PCM1: variants seen among roughly 807,000 people sequenced by gnomAD.
The protein encoded by PCM1 is pericentriolar material 1, also known as pericentriolar material 1 protein.
Under a neutral mutation model 241.9 loss-of-function variants are expected in PCM1, and 157 were observed. The observed-to-expected ratio is 0.65, with a 90% CI of 0.57 to 0.74. The LOEUF (loss-of-function observed/expected upper bound fraction) is 0.74, where lower values mean the gene tolerates loss of function less well. Ranked by LOEUF, PCM1 falls within the 30% of genes least tolerant of loss-of-function variation. The pLI is 0.00. For missense variants in PCM1, 3,478 were observed against 2,360.1 expected, an observed-to-expected ratio of 1.47 and a Z score of -9.81; for synonymous variants, 1,085 against 784.9, an observed-to-expected ratio of 1.38 and a Z score of -6.39.
Position 17,993,533 on chromosome 8 carries a change from T to C in PCM1, c.4741T>C (p.Ser1581Pro). Residue 1581 changes from serine (S) to proline (P), a missense_variant, in exon 29 of 39, where the codon TCT (serine) becomes CCT (proline). Transcript: ENST00000325083. Reference protein sequence around the residue: ...RSSQQPVSEVSTIPCPRIDTQ... With the variant: ...RSSQQPVSEVPTIPCPRIDTQ... The stretch of plus-strand genomic sequence containing the variant: ...TTCACAACAACCTGTAAGTGAAGTT[T>C]CTACCATCCCATGTCCTAGAATTGA... The C allele has an allele frequency of 6.3e-7, 1 of 1,591,886 alleles. No individual in the cohort carries two copies. Among genetic ancestry groups the C allele is most frequent in the Non-Finnish European group, 8.6e-7 (1 of 1,168,630 alleles).
At chr8:17,970,221 G>A (rs543585420) in intron 22 of PCM1, among the ~76,000 whole-genome samples, 1 of 152,014 alleles carries the variant, frequency 6.6e-6, no homozygotes, top group Non-Finnish European at 1.5e-5. Flanking sequence ...ATGATATTTA[G>A]GATTTCTTCT....
Position 17,993,527 on chromosome 8 carries a change from G to A in PCM1, c.4735G>A (p.Glu1579Lys). ...TCGTAGTTCACAACAACCTGTAAGT[G>A]AAGTTTCTACCATCCCATGTCCTAG... ...ENRSSQQPVS[E>K]VSTIPCPRID... Residue 1579 changes from glutamate to lysine, a missense_variant, in exon 29 of 39, where the codon GAA (glutamate) becomes AAA (lysine). Coordinates refer to ENST00000325083, the MANE Select transcript of PCM1 (RefSeq NM_006197.4). 1 of 1,588,772 alleles carries A rather than the reference G, an allele frequency of 6.3e-7. No individual in the cohort carries two copies. The highest frequency in any genetic ancestry group is 8.6e-7 in the Non-Finnish European group (1 of 1,167,402).
intron 29 of PCM1, among the ~76,000 whole-genome samples, chr8:17,995,386 G>A (rs1446408097): frequency 2.0e-5 from 3 of 150,914 alleles, no homozygotes; most frequent in African/African-American, 7.4e-5. Context: ...CTATCGGTCT[G>A]TGTTTCTGGG....
At position 17,950,681 on chromosome 8, in the gene PCM1, A is replaced by T; in HGVS notation, c.1028A>T (p.Asn343Ile). The change falls in exon 8 of 39, where the codon AAT becomes ATT. Residue 343 changes from asparagine to isoleucine, a missense_variant. Asn to Ile is a moderately radical substitution (Grantham distance 149). Transcript: ENST00000325083. Reference sequence around the variant, plus strand: ...ACATCTGAACTAAATGAAGAATTGAATGACTTAATTCAGCGTTTTCATAAT... The same window carrying T: ...ACATCTGAACTAAATGAAGAATTGATTGACTTAATTCAGCGTTTTCATAAT... ...SITSELNEEL[N>I]DLIQRFHNQL... 6.2e-7 allele frequency: 1 copy of T among 1,604,240 alleles called. No homozygotes were observed. The highest frequency in any genetic ancestry group is 8.5e-7 in the Non-Finnish European group (1 of 1,174,168).
intron 23 of PCM1, among the ~76,000 whole-genome samples, chr8:17,973,461 G>A (rs893054511): frequency 2.0e-5 from 3 of 152,150 alleles, no homozygotes; most frequent in Admixed American, 2.0e-4. Context: ...GCTCATGCCT[G>A]TAATCCCAGC....
rs1186696505 is a variant in PCM1 at position 18,028,990 on chromosome 8, A to AAAAT, written c.*1332_*1335dup. On this transcript the variant is annotated 3_prime_UTR_variant, in exon 39 of 39. Transcript: ENST00000325083. ...CATGGGGGAAACCCCGTCTCTACTA[A>AAAAT]AAATAAAAAAATTAGCTGGGAGAGG... The AAAAT allele has an allele frequency of 1.1e-5, 2 of 177,328 alleles. No individual in the cohort carries two copies. The highest frequency in any genetic ancestry group is 1.2e-5 in the Non-Finnish European group (1 of 82,350). The allele number at this position is 177,328 out of a possible 1,614,324, so 11.0% of individuals were successfully genotyped here.
At chr8:17,935,428 TCA>T (rs1351580385) in intron 2 of PCM1, among the ~76,000 whole-genome samples, 159 bp from the exon 3 acceptor site, 2 of 152,210 alleles carry the variant, frequency 1.3e-5, no homozygotes, top group African/African-American at 4.8e-5. Flanking sequence ...AATATGCCTG[TCA>T]CAGCTAAATC....
chr8:17,935,152 G>C (rs1376115005), intron 2 of PCM1, among the ~76,000 whole-genome samples: 2 of 152,136 alleles, frequency 1.3e-5, no homozygotes, highest in Non-Finnish European at 2.9e-5. Context: ...TCCCGTCTTT[G>C]ACTCTTTGGC....
intron 29 of PCM1, among the ~76,000 whole-genome samples, chr8:17,997,044 A>T (rs1231073921): frequency 1.3e-5 from 2 of 152,196 alleles, no homozygotes; most frequent in Non-Finnish European, 2.9e-5. Flanking sequence ...CTTCTTTTAG[A>T]TGGAAATAAA....
intron 35 of PCM1, among the ~76,000 whole-genome samples, chr8:18,014,380 G>C (rs533918435): frequency 7.4e-4 from 90 of 121,894 alleles, no homozygotes; most frequent in Admixed American, 3.8e-3. Flanking sequence ...GTGGATTTCA[G>C]GAATCTGAGT....
chr8:18,020,684 T>C (rs1009932923), intron 36 of PCM1, among the ~76,000 whole-genome samples: 1 of 152,260 alleles, frequency 6.6e-6, no homozygotes, highest in Non-Finnish European at 1.5e-5. Flanking sequence ...CAACTCAGTA[T>C]GAACTAATAG....
intron 29 of PCM1, among the ~76,000 whole-genome samples, chr8:18,000,850 G>A (rs534744298): frequency 6.7e-4 from 102 of 152,188 alleles, no homozygotes; most frequent in Admixed American, 3.1e-3. Context: ...CTCAAGTGAT[G>A]CACCCGCCTG....
At chr8:18,005,195 C>G (rs912420564) in intron 29 of PCM1, among the ~76,000 whole-genome samples, 1 of 152,046 alleles carries the variant, frequency 6.6e-6, no homozygotes, top group East Asian at 1.9e-4. Flanking sequence ...TAAGTAATGT[C>G]TCCTGTGAGC....
At chr8:17,978,251 C>T (rs550643788) in intron 23 of PCM1, among the ~76,000 whole-genome samples, 18 of 151,696 alleles carry the variant, frequency 1.2e-4, no homozygotes, top group African/African-American at 3.9e-4. Flanking sequence ...CAAGAGAAGA[C>T]GATTAGAGAC....
chr8:17,946,272 A>G (rs1287947518), intron 6 of PCM1, among the ~76,000 whole-genome samples: 2 of 152,184 alleles, frequency 1.3e-5, no homozygotes, highest in Non-Finnish European at 2.9e-5. Context: ...ATGAATGAGC[A>G]TAATTTAAGA....
In PCM1 at chr8:18,014,745, C is replaced by A; in HGVS notation, c.5746C>A (p.Pro1916Thr). The A allele has an allele frequency of 1.2e-6, 2 of 1,613,076 alleles. No individual in the cohort carries two copies. The highest frequency in any genetic ancestry group is 1.7e-6 in the Non-Finnish European group (2 of 1,179,760). The change falls in exon 36 of 39, where the codon CCT becomes ACT. Residue 1916 changes from proline to threonine, a missense_variant. Coordinates refer to ENST00000325083, the MANE Select transcript of PCM1 (RefSeq NM_006197.4). ...TTTACCTGAAATGGAACCCTTAGTG[C>A]CTAGAGTCAAAGAAGTTAAATCTGC... Reference protein sequence around the residue: ...LRLPEMEPLVPRVKEVKSAQE... With the variant: ...LRLPEMEPLVTRVKEVKSAQE...
Position 17,962,051 on chromosome 8 carries a change from G to A in PCM1, c.2340G>A (p.Val780=). The part of the protein sequence containing the change: ...CPDLQLSAAS[V]GNCPTKKYMP... ...CTTTTTAGCTGTCAGCTGCTAGTGTGGGTAACTGTCCCACCAAAAAATATA... is the reference window on the plus strand; with the variant it reads ...CTTTTTAGCTGTCAGCTGCTAGTGTAGGTAACTGTCCCACCAAAAAATATA... The change falls in exon 16 of 39, where the codon GTG becomes GTA. Residue 780 remains valine (V), a synonymous_variant. Coordinates refer to ENST00000325083, the MANE Select transcript of PCM1 (RefSeq NM_006197.4). 3.1e-6 allele frequency: 5 copies of A among 1,610,636 alleles called. No individual in the cohort carries two copies. Among genetic ancestry groups the A allele is most frequent in the Non-Finnish European group, 3.4e-6 (4 of 1,178,062 alleles).
chr8:17,986,732 T>G (rs1259073553), intron 26 of PCM1, among the ~76,000 whole-genome samples: 1 of 151,828 alleles, frequency 6.6e-6, no homozygotes, highest in Non-Finnish European at 1.5e-5. Flanking sequence ...ATCACCTATT[T>G]CAAGGTTCAG....
chr8:17,961,362 G>C (rs2071929594), intron 15 of PCM1, among the ~76,000 whole-genome samples: 1 of 143,610 alleles, frequency 7.0e-6, no homozygotes, highest in Non-Finnish European at 1.5e-5. Context: ...CCAGGTGGGA[G>C]TGCAGTGGTG....
Sources: allele counts gnomAD v4.1 joint callset (sites outside exome capture counted in the v4.1 genomes callset), GRCh38; gene constraint gnomAD v4.1.1; transcripts MANE v1.5; gene names NCBI Gene and HGNC (gene_info 2026-07-23, HGNC 2026-07-21).